Variants in LRRC4B observed in about 807,000 individuals in gnomAD.
LRRC4B encodes the protein leucine-rich repeat-containing protein 4B.
Under a neutral mutation model 7.3 loss-of-function variants are expected in LRRC4B, and 1 was observed. The ratio of observed to expected loss-of-function variants is 0.14; its 90% confidence interval spans 0.05 to 0.65. The LOEUF (loss-of-function observed/expected upper bound fraction) is 0.65. Ranked by LOEUF, LRRC4B falls within the 30% of genes least tolerant of loss-of-function variation. The probability of loss-of-function intolerance (pLI) is 0.84; values close to 1 mark genes in which losing one functional copy is unlikely to be tolerated. For missense variants in LRRC4B, 730 were observed against 1,041.6 expected (o/e 0.70, Z 4.12); for synonymous variants, 500 against 499.2 (o/e 1.00, Z -0.02).
intron 2 of LRRC4B, among the ~76,000 whole-genome samples, chr19:50,539,199 C>A (rs1255110916): frequency 6.6e-6 from 1 of 152,172 alleles, no homozygotes; most frequent in Non-Finnish European, 1.5e-5. Context: ...TTTGTTTTTG[C>A]AACAGAATTA....
chr19:50,549,797 A>G (rs1981976031), intron 1 of LRRC4B, among the ~76,000 whole-genome samples: 1 of 152,122 alleles, frequency 6.6e-6, no homozygotes, highest in South Asian at 2.1e-4. Context: ...TGGGTGCTCC[A>G]GGCAGAGACA....
At chr19:50,530,039 G>A (rs564835984) in intron 2 of LRRC4B, among the ~76,000 whole-genome samples, 18 of 151,998 alleles carry the variant, frequency 1.2e-4, no homozygotes, top group Non-Finnish European at 2.4e-4. Context: ...CCCGTGGGTC[G>A]TGGGTCGGCC....
chr19:50,522,840 T>C, intron 2 of LRRC4B, among the ~76,000 whole-genome samples: 1 of 152,234 alleles, frequency 6.6e-6, no homozygotes, highest in Non-Finnish European at 1.5e-5. Flanking sequence ...TTCTAGAAAT[T>C]CCCATGTTTC....
intron 2 of LRRC4B, among the ~76,000 whole-genome samples, chr19:50,525,756 A>G (rs557452043): frequency 1.3e-5 from 2 of 151,958 alleles, no homozygotes; most frequent in East Asian, 3.9e-4. Flanking sequence ...GCAGAAAATC[A>G]GGGCCGCCCC....
intron 1 of LRRC4B, among the ~76,000 whole-genome samples, chr19:50,552,222 C>G (rs1267641450): frequency 1.3e-5 from 2 of 150,790 alleles, no homozygotes; most frequent in East Asian, 2.0e-4. Flanking sequence ...TCACACCCCC[C>G]ACTGGGTCTA....
intron 1 of LRRC4B, among the ~76,000 whole-genome samples, chr19:50,550,621 G>A (rs1200611956): frequency 2.0e-5 from 3 of 152,176 alleles, no homozygotes; most frequent in Non-Finnish European, 4.4e-5. Flanking sequence ...GAGTGCATGT[G>A]TGAGAGCGAG....
intron 2 of LRRC4B, among the ~76,000 whole-genome samples, chr19:50,536,693 G>A (rs993300314): frequency 1.3e-5 from 2 of 152,192 alleles, no homozygotes; most frequent in African/African-American, 2.4e-5. Flanking sequence ...CGAGACCACG[G>A]CATCCTTGTG....
chr19:50,517,426 G>T lies in LRRC4B; in HGVS notation c.*145C>A. 1 of 674,494 alleles carries T rather than the reference G, an allele frequency of 1.5e-6. No individual in the cohort carries two copies. The highest frequency in any genetic ancestry group is 2.1e-6 in the Non-Finnish European group (1 of 473,124). 41.8% of individuals were successfully genotyped at this position (674,494 alleles called of 1,614,324 possible). On this transcript the variant is annotated 3_prime_UTR_variant, in exon 3 of 3. Transcript: ENST00000652263. The surrounding 1 kb of genome is among the most constrained non-coding windows in gnomAD (Gnocchi z 6.6). ...TTACTGGGGGTCCGAGCCCCAGATG[G>T]GGCTGGAAGCCACCTCTCCCCAATT...
At position 50,518,025 on chromosome 19, in the gene LRRC4B, T is replaced by C; in HGVS notation, c.1688A>G (p.Asn563Ser). ...FTVPITDVTE[N>S]ALKDLDDVMK... ...GACGTCGTCCAGGTCCTTGAGGGCG[T>C]TCTCCGTCACATCCGTGATGGGCAC... Residue 563 changes from asparagine to serine, a missense_variant, in exon 3 of 3, where the codon AAC becomes AGC. Physicochemically the swap from Asn to Ser is conservative, Grantham distance 46. Transcript: ENST00000652263. 1 of 1,553,154 alleles carries C rather than the reference T, an allele frequency of 6.4e-7. No homozygotes were observed. Among genetic ancestry groups the C allele is most frequent in the Non-Finnish European group, 8.7e-7 (1 of 1,153,456 alleles).
chr19:50,525,242 G>A (rs1290070331), intron 2 of LRRC4B, among the ~76,000 whole-genome samples: 1 of 152,268 alleles, frequency 6.6e-6, no homozygotes, highest in South Asian at 2.1e-4. Flanking sequence ...AAGCACTTCA[G>A]AGGGTGAGGG....
intron 1 of LRRC4B, among the ~76,000 whole-genome samples, chr19:50,558,635 G>A (rs1294373749): frequency 6.6e-6 from 1 of 152,248 alleles, no homozygotes; most frequent in Non-Finnish European, 1.5e-5. Context: ...ACGAGGCTAC[G>A]GAGCACGTGA....
chr19:50,550,617 A>C (rs556406489), intron 1 of LRRC4B, among the ~76,000 whole-genome samples: 1 of 152,144 alleles, frequency 6.6e-6, no homozygotes. Context: ...ATCTGAGTGC[A>C]TGTGTGAGAG....
intron 2 of LRRC4B, among the ~76,000 whole-genome samples, chr19:50,530,045 C>T (rs975952005): frequency 4.6e-5 from 7 of 151,266 alleles, no homozygotes; most frequent in Non-Finnish European, 1.0e-4. Flanking sequence ...GGTCGTGGGT[C>T]GGCCAGCAGG....
At chr19:50,531,498 T>TC (rs1981059498) in intron 2 of LRRC4B, among the ~76,000 whole-genome samples, 3 of 151,302 alleles carry the variant, frequency 2.0e-5, no homozygotes, top group Admixed American at 6.6e-5. Flanking sequence ...GGGGGTGGGG[T>TC]CCCCCCGCCA....
intron 2 of LRRC4B, among the ~76,000 whole-genome samples, chr19:50,540,227 A>C (rs1981481202): frequency 1.3e-5 from 2 of 152,202 alleles, no homozygotes; most frequent in Admixed American, 6.5e-5. Flanking sequence ...CCTAGGCCAC[A>C]GACCGGTACT....
chr19:50,564,944 G>T (rs143368810), intron 1 of LRRC4B, among the ~76,000 whole-genome samples: 1 of 152,100 alleles, frequency 6.6e-6, no homozygotes, highest in East Asian at 1.9e-4. Context: ...GGGCCCTGAG[G>T]GTGTGTGTGC....
At chr19:50,565,352 GGTCTGTGTACGAAGGACTGTGTGTGTC>G (rs1368038125) in intron 1 of LRRC4B, among the ~76,000 whole-genome samples, 1 of 152,200 alleles carries the variant, frequency 6.6e-6, no homozygotes, top group Non-Finnish European at 1.5e-5. Context: ...TCTCCCTCCA[GGTCTGTGTACGAAGGACTGTGTGTGTC>G]TCTGTGTGAC....
At position 50,518,286 on chromosome 19, in the gene LRRC4B, C is replaced by T; in HGVS notation, c.1427G>A (p.Gly476Asp). The T allele has an allele frequency of 6.3e-7, 1 of 1,598,884 alleles. No homozygotes were observed. Among genetic ancestry groups the T allele is most frequent in the South Asian group, 1.1e-5 (1 of 89,962 alleles). The change falls in exon 3 of 3, where the codon GGT becomes GAT. Residue 476 changes from glycine (G) to aspartate (D), a missense_variant. This residue lies in a region of LRRC4B where 192 missense variants were observed against 228.6 expected (regional missense o/e 0.84). Transcript: ENST00000652263. Reference protein sequence around the residue: ...SGGGGPGGSGGVGGGSGGYTY... With the variant: ...SGGGGPGGSGDVGGGSGGYTY... ...GTAGCCGCCACTGCCCCCTCCAACA[C>T]CACCACTGCCCCCAGGGCCGCCCCC...
In LRRC4B at chr19:50,517,536, G is replaced by A; in HGVS notation, c.*35C>T. 7.2e-7 allele frequency: 1 copy of A among 1,396,886 alleles called. No individual in the cohort carries two copies. Among genetic ancestry groups the A allele is most frequent in the Non-Finnish European group, 9.3e-7 (1 of 1,075,308 alleles). 86.5% of individuals were successfully genotyped at this position (1,396,886 alleles called of 1,614,324 possible). A position where few individuals can be genotyped will look rare whatever the true frequency, so the allele number is the denominator to read the frequency against. ...CGCCCGGGCTGGGACCTGGGTGGGG[G>A]GCTCCACGCCCCTCGCCCGCCCGGC... is the stretch of plus-strand genomic sequence containing the variant. On this transcript the variant is annotated 3_prime_UTR_variant, in exon 3 of 3. Transcript: ENST00000652263. The surrounding 1 kb of genome is among the most constrained non-coding windows in gnomAD (Gnocchi z 6.6).
Sources: gnomAD v4.1 joint callset for allele counts (sites outside exome capture counted in the v4.1 genomes callset) on GRCh38, gnomAD v4.1.1 for gene constraint, gnomAD v4.1.1 regional missense constraint, Gnocchi (gnomAD v3.1) non-coding constraint, MANE v1.5 for transcripts, NCBI Gene and HGNC (gene_info 2026-07-23, HGNC 2026-07-21) for gene names.